Variants in KDM5A observed in about 807,000 individuals in gnomAD.
The protein encoded by KDM5A is lysine-specific demethylase 5A.
A neutral mutation model predicts 193.5 loss-of-function variants in KDM5A; 42 were observed. The observed-to-expected ratio is 0.22, with a 90% CI of 0.17 to 0.28. The LOEUF is 0.28. Ranked by LOEUF, KDM5A falls within the 10% of genes least tolerant of loss-of-function variation. The pLI, the probability that KDM5A is intolerant of heterozygous loss-of-function variation, is 1.00. For missense variants in KDM5A, 1,692 were observed against 2,055.1 expected (o/e 0.82, Z 3.42); for synonymous variants, 796 against 718.1 (o/e 1.11, Z -1.73).
At chr12:382,169 C>T (rs1430993223) in intron 3 of KDM5A, among the ~76,000 whole-genome samples, 2 of 152,154 alleles carry the variant, frequency 1.3e-5, no homozygotes, top group Non-Finnish European at 2.9e-5. Flanking sequence ...TGGTGGCTCA[C>T]GCCTGTAATC....
intron 20 of KDM5A, chr12:311,305 A>G (rs966856311): frequency 3.9e-6 from 2 of 510,042 alleles, no homozygotes; most frequent in South Asian, 2.1e-5. Flanking sequence ...ACCAGTAGAT[A>G]TAACAACCAG....
chr12:326,267 T>G (rs1001708657), intron 14 of KDM5A, among the ~76,000 whole-genome samples: 1 of 152,182 alleles, frequency 6.6e-6, no homozygotes. Flanking sequence ...GTAATTCCTG[T>G]GTGTAATGTA....
chr12:345,982 GT>G (rs974068373), intron 10 of KDM5A, among the ~76,000 whole-genome samples: 1 of 152,056 alleles, frequency 6.6e-6, no homozygotes, highest in African/African-American at 2.4e-5. Context: ...CCAGGACCTG[GT>G]TTTTTGAAAA....
chr12:314,972 C>G (rs1349017396), intron 19 of KDM5A, among the ~76,000 whole-genome samples: 1 of 152,122 alleles, frequency 6.6e-6, no homozygotes, highest in Non-Finnish European at 1.5e-5. Context: ...CTGAGGGCAA[C>G]AGAAAACTAG....
intron 3 of KDM5A, among the ~76,000 whole-genome samples, chr12:368,977 G>T (rs559891454): frequency 6.6e-6 from 1 of 152,276 alleles, no homozygotes; most frequent in Non-Finnish European, 1.5e-5. Flanking sequence ...AAAAATAAGT[G>T]AAGGAAATGT....
rs539601724 is a variant in KDM5A at position 309,014 on chromosome 12, T to A, written c.3378+789A>T. 2.0e-4 allele frequency among the ~76,000 whole-genome samples: 31 copies of A among 152,328 alleles called. No individual in the cohort carries two copies. The South Asian group carries it at 4.8e-3, about 23-fold the overall frequency. On this transcript the variant is annotated intron_variant, in intron 22 of 27. Coordinates refer to ENST00000399788, the MANE Select transcript of KDM5A (RefSeq NM_001042603.3). ...AATAGTAATAAGAGTCATAAAATGC[T>A]TATATTAAATTCTAACCCAGTAATT...
intron 3 of KDM5A, among the ~76,000 whole-genome samples, chr12:374,121 A>G (rs1465638868): frequency 1.3e-5 from 2 of 152,136 alleles, no homozygotes; most frequent in African/African-American, 4.8e-5. Context: ...GCTGATTTCA[A>G]TTCCTGGATA....
chr12:308,742 T>C (rs1397902369), intron 22 of KDM5A, among the ~76,000 whole-genome samples: 1 of 152,232 alleles, frequency 6.6e-6, no homozygotes, highest in Non-Finnish European at 1.5e-5. Context: ...AGGCAGGCTC[T>C]CTAATCAGAG....
chr12:336,358 TA>T (rs61128182), intron 10 of KDM5A, among the ~76,000 whole-genome samples: 13,075 of 72,570 alleles, frequency 0.18, 884 homozygotes, highest in East Asian at 0.4. Context: ...CCTGTCTCAC[TA>T]AAAAAAAAAA....
chr12:282,000 A>T lies in KDM5A; in HGVS notation c.*3456T>A. 1 of 291,172 alleles carries T rather than the reference A, an allele frequency of 3.4e-6. No homozygotes were observed. Among genetic ancestry groups the T allele is most frequent in the Middle Eastern group, 1.1e-3 (1 of 950 alleles). The allele number at this position is 291,172 out of a possible 1,614,324, so 18.0% of individuals were successfully genotyped here. A position where few individuals can be genotyped will look rare whatever the true frequency, so the allele number is the denominator to read the frequency against. On this transcript the variant is annotated 3_prime_UTR_variant, in exon 28 of 28. Coordinates refer to ENST00000399788, the MANE Select transcript of KDM5A (RefSeq NM_001042603.3). ...AGCTCAGCCTGCACAGAAGCGCAGA[A>T]GCAAAGCCCAGGCAGAACCATGCTA...
intron 3 of KDM5A, among the ~76,000 whole-genome samples, chr12:367,232 T>C (rs1031492111): frequency 3.9e-5 from 6 of 152,188 alleles, no homozygotes; most frequent in Non-Finnish European, 5.9e-5. Context: ...TGATTGAGTA[T>C]ATACTACTGT....
At chr12:316,914 A>C (rs956546473) in intron 19 of KDM5A, among the ~76,000 whole-genome samples, 3 of 152,208 alleles carry the variant, frequency 2.0e-5, no homozygotes, top group Non-Finnish European at 4.4e-5. Flanking sequence ...ATTGAAATGA[A>C]GTGGAAGATA....
At chr12:375,000 C>A (rs927907783) in intron 3 of KDM5A, among the ~76,000 whole-genome samples, 9 of 152,118 alleles carry the variant, frequency 5.9e-5, no homozygotes, top group Non-Finnish European at 1.2e-4. Flanking sequence ...TCTCTGGCTG[C>A]CCTTAACATT....
intron 10 of KDM5A, among the ~76,000 whole-genome samples, chr12:339,234 A>G (rs1272457950): frequency 6.6e-6 from 1 of 152,078 alleles, no homozygotes; most frequent in Non-Finnish European, 1.5e-5. Context: ...CAAAAGGGTA[A>G]CTCATATCAC....
At position 331,403 on chromosome 12, in the gene KDM5A, G is replaced by A. The variant is rs116492794; in HGVS notation, c.1773+416C>T. On this transcript the variant is annotated intron_variant, in intron 13 of 27. Coordinates refer to ENST00000399788, the MANE Select transcript of KDM5A (RefSeq NM_001042603.3). ...CCTGTGTCTTCCCTTAGAAAAGAAG[G>A]ATTCAGAAAGAATCGACTGACCATT... Among the ~76,000 whole-genome samples the A allele has an allele frequency of 2.7e-3, 414 of 152,308 alleles. 2 individuals are homozygous for A. Among genetic ancestry groups the A allele is most frequent in the African/African-American group, 9.6e-3 (397 of 41,562 alleles).
chr12:344,461 T>C (rs1232190165), intron 10 of KDM5A, among the ~76,000 whole-genome samples: 1 of 152,016 alleles, frequency 6.6e-6, no homozygotes, highest in African/African-American at 2.4e-5. Context: ...AGACACATAA[T>C]TGTCAGATTC....
At chr12:320,008 GAAAAC>G (rs953925158) in intron 18 of KDM5A, among the ~76,000 whole-genome samples, 7 of 152,104 alleles carry the variant, frequency 4.6e-5, no homozygotes, top group African/African-American at 1.7e-4. Flanking sequence ...AAGTCGAAGA[GAAAAC>G]AAGCAGCAAG....
intron 17 of KDM5A, 138 bp downstream of exon 17, chr12:322,279 G>A: frequency 4.2e-6 from 3 of 720,836 alleles, no homozygotes; most frequent in Non-Finnish European, 7.2e-6. Flanking sequence ...GATAAAACTG[G>A]AGCATTACTG....
At chr12:388,821 G>T (rs35171949) in intron 1 of KDM5A, 106 bp downstream of exon 1, 19,192 of 1,347,916 alleles carry the variant, frequency 0.014, 191 homozygotes, top group Non-Finnish European at 0.017. Flanking sequence ...TGTCTCAAAA[G>T]AGAGTACATA....
Sources: gnomAD v4.1 joint callset for allele counts (sites outside exome capture counted in the v4.1 genomes callset) on GRCh38, gnomAD v4.1.1 for gene constraint, MANE v1.5 for transcripts, NCBI Gene and HGNC (gene_info 2026-07-23, HGNC 2026-07-21) for gene names.